ST7: variants seen among roughly 807,000 people sequenced by gnomAD.
ST7 encodes the protein suppression of tumorigenicity 7, also known as suppressor of tumorigenicity 7 protein.
In ST7, 28 loss-of-function variants were observed where a neutral mutation model predicts 78.7. That is an observed-to-expected ratio of 0.36 (90% confidence interval 0.26 to 0.49). The LOEUF (loss-of-function observed/expected upper bound fraction) is 0.49. Among genes scored for constraint, ST7 ranks in the 20% least tolerant of loss-of-function variants. The pLI is 0.99. For missense variants in ST7, 418 were observed against 696.0 expected, an observed-to-expected ratio of 0.60 and a Z score of 4.49; for synonymous variants, 247 against 249.6, an observed-to-expected ratio of 0.99 and a Z score of 0.10.
At chr7:117,161,267 A>G (rs1807120048) in intron 9 of ST7, among the ~76,000 whole-genome samples, 1 of 152,198 alleles carries the variant, frequency 6.6e-6, no homozygotes, top group African/African-American at 2.4e-5. Context: ...TGAAAAGTAC[A>G]TGTCACAAAC....
intron 1 of ST7, chr7:116,972,904 C>T: frequency 7.5e-7 from 1 of 1,335,020 alleles, no homozygotes; most frequent in East Asian, 2.3e-5. Flanking sequence ...GGTGGTGATC[C>T]CAGCCATGGT....
intron 10 of ST7, among the ~76,000 whole-genome samples, chr7:117,172,874 G>T (rs1808101823): frequency 6.6e-6 from 1 of 152,152 alleles, no homozygotes; most frequent in African/African-American, 2.4e-5. Flanking sequence ...GCCTCTTAAG[G>T]CTCCTTTCAT....
At chr7:117,050,214 C>CA (rs201920808) in intron 1 of ST7, among the ~76,000 whole-genome samples, 17,322 of 111,590 alleles carry the variant, frequency 0.16, 1,187 homozygotes, top group East Asian at 0.33. Context: ...GACTCCGTCT[C>CA]AAAAAAAAAA....
At chr7:117,179,881 G>A (rs940813419) in intron 10 of ST7, among the ~76,000 whole-genome samples, 7 of 152,170 alleles carry the variant, frequency 4.6e-5, no homozygotes, top group African/African-American at 1.7e-4. Flanking sequence ...CAGTGGGAAA[G>A]CACTCAGATG....
chr7:117,090,399 T>G (rs2116689855), intron 1 of ST7, among the ~76,000 whole-genome samples: 1 of 152,322 alleles, frequency 6.6e-6, no homozygotes, highest in Admixed American at 6.5e-5. Context: ...CTCTGCCCCT[T>G]GTAGTCATTT....
At position 117,219,729 on chromosome 7, in the gene ST7, G is replaced by A. The variant is rs751485281; in HGVS notation, c.1498+553G>A. On this transcript the variant is annotated intron_variant, in intron 14 of 15. Transcript: ENST00000323984. This position sits in a 1 kb window ranked among gnomAD's most constrained non-coding sequence, Gnocchi z 5.1. ...CCTCGTGGGTTGCATGTAGTGACTC[G>A]GAGTACCATGTGCAGAGCACACGTG... Among the ~76,000 whole-genome samples, 5 of 152,200 alleles carry A rather than the reference G, an allele frequency of 3.3e-5. No homozygotes were observed. Among genetic ancestry groups the A allele is most frequent in the East Asian group, 1.9e-4 (1 of 5,200 alleles).
intron 15 of ST7, 99 bp downstream of exon 15, chr7:117,222,161 T>A: frequency 7.4e-7 from 1 of 1,351,794 alleles, no homozygotes; most frequent in Non-Finnish European, 9.9e-7. Flanking sequence ...CAGAAATGGG[T>A]ACGAGCCTGC....
At chr7:116,954,040 C>T (rs1792300695) in intron 1 of ST7, 1 of 151,832 alleles carries the variant, frequency 6.6e-6, no homozygotes, top group Admixed American at 6.6e-5. Flanking sequence ...GACACCCCCT[C>T]GGGTGTCTGC....
At chr7:117,013,039 A>T (rs1795449855) in intron 1 of ST7, among the ~76,000 whole-genome samples, 1 of 152,244 alleles carries the variant, frequency 6.6e-6, no homozygotes, top group African/African-American at 2.4e-5. Context: ...AATACACAGC[A>T]TAAAAATAAA....
intron 1 of ST7, among the ~76,000 whole-genome samples, chr7:116,985,835 T>C (rs1165226680): frequency 1.3e-5 from 2 of 152,250 alleles, no homozygotes; most frequent in African/African-American, 4.8e-5. Flanking sequence ...TATTTTATTT[T>C]ACTTTATTTC....
At chr7:117,148,462 A>G (rs2117138116) in intron 9 of ST7, among the ~76,000 whole-genome samples, 1 of 152,250 alleles carries the variant, frequency 6.6e-6, no homozygotes, top group South Asian at 2.1e-4. Flanking sequence ...AGGGTTTTAT[A>G]CTTTTGATTG....
intron 1 of ST7, among the ~76,000 whole-genome samples, chr7:117,026,596 T>A (rs948640742): frequency 6.6e-5 from 10 of 152,260 alleles, no homozygotes; most frequent in African/African-American, 2.2e-4. Context: ...AGCAACCACA[T>A]GCCAGATGCA....
chr7:117,214,820 A>G (rs1185229042), intron 13 of ST7, among the ~76,000 whole-genome samples: 1 of 151,770 alleles, frequency 6.6e-6, no homozygotes, highest in Non-Finnish European at 1.5e-5. Flanking sequence ...ACTTTATTCA[A>G]CAAATATTTA....
At chr7:117,100,983 A>G (rs1339087437) in intron 2 of ST7, among the ~76,000 whole-genome samples, 1 of 152,172 alleles carries the variant, frequency 6.6e-6, no homozygotes, top group African/African-American at 2.4e-5. Context: ...GAAGGGTGCA[A>G]ACATGTGGAG....
At chr7:117,171,245 A>G (rs1293775390) in intron 10 of ST7, among the ~76,000 whole-genome samples, 1 of 151,914 alleles carries the variant, frequency 6.6e-6, no homozygotes, top group Non-Finnish European at 1.5e-5. Flanking sequence ...AGTTATGTCT[A>G]CTCTGCTCTA....
rs779407595 is a variant in ST7 at position 117,138,403 on chromosome 7, TA to T, written c.866-29del. On this transcript the variant is annotated intron_variant, in intron 8 of 15. Transcript: ENST00000323984. ...TGGGCCTCTGTATTTTTTTTTTTTT[TA>T]AATGTTGGTGTTTTATATCTCCCTC... is the stretch of plus-strand genomic sequence containing the variant. 708 of 1,379,044 alleles carry T rather than the reference TA, an allele frequency of 5.1e-4. No individual in the cohort carries two copies. The East Asian group carries it at 9.4e-3, about 18-fold the overall frequency. The allele number at this position is 1,379,044 out of a possible 1,614,324, so 85.4% of individuals were successfully genotyped here.
intron 1 of ST7, among the ~76,000 whole-genome samples, chr7:116,991,775 C>T (rs1794441972): frequency 6.6e-6 from 1 of 152,122 alleles, no homozygotes; most frequent in Non-Finnish European, 1.5e-5. Flanking sequence ...AGTCCACAGT[C>T]CAAAGTTACA....
chr7:117,121,868 A>G (rs1803396695), intron 3 of ST7, among the ~76,000 whole-genome samples: 1 of 152,014 alleles, frequency 6.6e-6, no homozygotes, highest in East Asian at 1.9e-4. Context: ...GAGCTAGGAA[A>G]TTCTTCCCAC....
At chr7:117,188,635 C>T (rs901253126) in intron 10 of ST7, among the ~76,000 whole-genome samples, 1 of 152,090 alleles carries the variant, frequency 6.6e-6, no homozygotes, top group African/African-American at 2.4e-5. Flanking sequence ...AACTGTTTTT[C>T]CTGATGACAA....
Sources: gnomAD v4.1 joint callset for allele counts (sites outside exome capture counted in the v4.1 genomes callset) on GRCh38, gnomAD v4.1.1 for gene constraint, Gnocchi (gnomAD v3.1) non-coding constraint, MANE v1.5 for transcripts, NCBI Gene and HGNC (gene_info 2026-07-23, HGNC 2026-07-21) for gene names.